Variants in ENOX1 observed in about 807,000 individuals in gnomAD.
The protein encoded by ENOX1 is ecto-NOX disulfide-thiol exchanger 1.
A neutral mutation model predicts 82.5 loss-of-function variants in ENOX1; 42 were observed. The ratio of observed to expected loss-of-function variants is 0.51; its 90% CI spans 0.40 to 0.66. The LOEUF (loss-of-function observed/expected upper bound fraction) is 0.66. Ranked by LOEUF, ENOX1 falls within the 30% of genes least tolerant of loss-of-function variation. The probability of loss-of-function intolerance (pLI) is 0.00; values close to 1 mark genes in which losing one functional copy is unlikely to be tolerated. For synonymous variants in ENOX1, 271 were observed against 282.2 expected, an observed-to-expected ratio of 0.96 and a Z score of 0.40; for missense variants, 608 against 811.6, an observed-to-expected ratio of 0.75 and a Z score of 3.05.
intron 1 of ENOX1, among the ~76,000 whole-genome samples, chr13:43,750,235 GT>G (rs1012205161): frequency 6.6e-6 from 1 of 152,184 alleles, no homozygotes; most frequent in African/African-American, 2.4e-5. Flanking sequence ...CATACTCTGG[GT>G]TTTAGTGACC....
intron 3 of ENOX1, among the ~76,000 whole-genome samples, chr13:43,473,137 C>G (rs1400800062): frequency 6.6e-6 from 1 of 152,130 alleles, no homozygotes; most frequent in African/African-American, 2.4e-5. Flanking sequence ...CACATCGTCT[C>G]TCAATTTAGT....
At chr13:43,336,460 G>A (rs1004911869) in intron 9 of ENOX1, among the ~76,000 whole-genome samples, 9 of 152,234 alleles carry the variant, frequency 5.9e-5, no homozygotes, top group East Asian at 5.8e-4. Flanking sequence ...AGTGCCCTGC[G>A]CAGCTGTCTT....
chr13:43,666,233 CT>C (rs2084972145), intron 2 of ENOX1, among the ~76,000 whole-genome samples: 3 of 152,120 alleles, frequency 2.0e-5, no homozygotes, highest in Admixed American at 2.0e-4. Context: ...AACATAGTAT[CT>C]GCAAAGCTCA....
intron 5 of ENOX1, among the ~76,000 whole-genome samples, chr13:43,401,364 T>C (rs951123449): frequency 1.8e-4 from 28 of 152,152 alleles, no homozygotes; most frequent in African/African-American, 6.3e-4. Context: ...AAGTACAGGA[T>C]AGTGATCATT....
intron 3 of ENOX1, among the ~76,000 whole-genome samples, chr13:43,417,269 G>GAGAGGGAGAGGGAGAGGT: frequency 6.6e-6 from 1 of 150,942 alleles, no homozygotes; most frequent in Non-Finnish European, 1.5e-5. Context: ...GAGGGAGAGG[G>GAGAGGGAGAGGGAGAGGT]CCAATCTAAT....
chr13:43,719,395 C>T (rs2088404975), intron 1 of ENOX1, among the ~76,000 whole-genome samples: 1 of 151,142 alleles, frequency 6.6e-6, no homozygotes, highest in Admixed American at 6.6e-5. Context: ...GTTTCTGTGA[C>T]TCTGTCTTGC....
At chr13:43,654,343 G>A (rs963485339) in intron 2 of ENOX1, among the ~76,000 whole-genome samples, 2 of 152,156 alleles carry the variant, frequency 1.3e-5, no homozygotes, top group African/African-American at 4.8e-5. Context: ...TTTTCAGACT[G>A]CTGCCCTGCC....
chr13:43,324,372 T>C (rs1406702429), intron 10 of ENOX1, among the ~76,000 whole-genome samples: 1 of 152,136 alleles, frequency 6.6e-6, no homozygotes, highest in East Asian at 1.9e-4. Flanking sequence ...GAAAAAGAGC[T>C]GAGGGTGTTT....
intron 14 of ENOX1, among the ~76,000 whole-genome samples, chr13:43,250,279 C>T (rs896367955): frequency 6.6e-6 from 1 of 152,166 alleles, no homozygotes; most frequent in African/African-American, 2.4e-5. Flanking sequence ...TTGGTTCAAG[C>T]CCTTGATCCC....
chr13:43,281,044 C>A (rs1193728598), intron 12 of ENOX1, among the ~76,000 whole-genome samples: 2 of 152,166 alleles, frequency 1.3e-5, no homozygotes, highest in African/African-American at 4.8e-5. Flanking sequence ...TTCACCTATG[C>A]CCTAATCCAG....
At chr13:43,264,693 A>C (rs1593601291) in intron 14 of ENOX1, among the ~76,000 whole-genome samples, 1 of 152,252 alleles carries the variant, frequency 6.6e-6, no homozygotes, top group Non-Finnish European at 1.5e-5. Context: ...TCAAATACAG[A>C]TATCAGAGAG....
At chr13:43,749,278 C>G (rs1950185716) in intron 1 of ENOX1, among the ~76,000 whole-genome samples, 1 of 152,154 alleles carries the variant, frequency 6.6e-6, no homozygotes, top group African/African-American at 2.4e-5. Context: ...GGAATAAATT[C>G]AGCTACAATT....
intron 5 of ENOX1, among the ~76,000 whole-genome samples, chr13:43,376,199 T>C (rs1405218542): frequency 1.3e-5 from 2 of 152,238 alleles, no homozygotes; most frequent in African/African-American, 4.8e-5. Context: ...TTGAAAAGCA[T>C]ATCACAAGTA....
rs919207500 is a variant in ENOX1 at position 43,361,158 on chromosome 13, A to G, written c.382+121T>C. ...CTAGAGACAAAAGGCCTTCTGTAGA[A>G]CGGATCCCCACTCTGTGCATTTACG... On this transcript the variant is annotated intron_variant, in intron 6 of 16. Coordinates refer to ENST00000690772, the MANE Select transcript of ENOX1 (RefSeq NM_001347969.2). 2.6e-5 allele frequency: 26 copies of G among 1,013,588 alleles called. No homozygotes were observed. The African/African-American group carries it at 3.9e-4, about 15-fold the overall frequency. 62.8% of individuals were successfully genotyped at this position (1,013,588 alleles called of 1,614,324 possible).
At chr13:43,420,520 G>A (rs1180249683) in intron 3 of ENOX1, among the ~76,000 whole-genome samples, 2 of 152,198 alleles carry the variant, frequency 1.3e-5, no homozygotes, top group African/African-American at 4.8e-5. Context: ...TAAGGGAGGT[G>A]AGTGGAATCT....
chr13:43,438,891 G>A (rs1396992957), intron 3 of ENOX1, among the ~76,000 whole-genome samples: 2 of 152,156 alleles, frequency 1.3e-5, no homozygotes, highest in East Asian at 3.9e-4. Flanking sequence ...GTATACAGTC[G>A]ATCCATAGCT....
chr13:43,616,171 T>TAGATAGATAG (rs373367551), intron 2 of ENOX1, among the ~76,000 whole-genome samples: 85 of 6,758 alleles, frequency 0.013, 11 homozygotes, highest in East Asian at 0.045. Context: ...TCTATCTATC[T>TAGATAGATAG]ATCTATCTAT....
intron 5 of ENOX1, among the ~76,000 whole-genome samples, chr13:43,389,539 G>A (rs941301029): frequency 3.3e-5 from 5 of 152,172 alleles, no homozygotes; most frequent in African/African-American, 1.2e-4. Context: ...CTTAATCCAC[G>A]TAGAGGGCTT....
intron 1 of ENOX1, among the ~76,000 whole-genome samples, chr13:43,668,811 A>G (rs558255429): frequency 2.0e-5 from 3 of 152,328 alleles, no homozygotes; most frequent in African/African-American, 7.2e-5. Context: ...CTGAGTATTG[A>G]AAAAGGATGA....
Sources: gnomAD v4.1 joint callset for allele counts (sites outside exome capture counted in the v4.1 genomes callset) on GRCh38, gnomAD v4.1.1 for gene constraint, MANE v1.5 for transcripts, NCBI Gene and HGNC (gene_info 2026-07-23, HGNC 2026-07-21) for gene names.